The following RAE1 variants were observed in gnomAD, a reference collection of about 807,000 sequenced individuals.
RAE1 encodes ribonucleic acid export 1.
A neutral mutation model predicts 52.7 loss-of-function variants in RAE1; 13 were observed. The observed-to-expected ratio is 0.25, with a 90% CI of 0.16 to 0.39. The LOEUF (loss-of-function observed/expected upper bound fraction) is 0.39. RAE1 is among the 10% of genes least tolerant of loss of function. RAE1 has a pLI of 1.00. For synonymous variants in RAE1, 164 were observed against 153.1 expected (o/e 1.07, Z -0.52); for missense variants, 262 against 459.8 (o/e 0.57, Z 3.93).
intron 7 of RAE1, among the ~76,000 whole-genome samples, chr20:57,367,928 T>C (rs1030741091): frequency 1.3e-5 from 2 of 152,110 alleles, no homozygotes; most frequent in African/African-American, 2.4e-5. Flanking sequence ...TCTTGCTCTG[T>C]CGCCAGGCTG....
At chr20:57,356,583 A>G (rs927630571) in intron 4 of RAE1, 45 bp downstream of exon 4, 12 of 1,458,530 alleles carry the variant, frequency 8.2e-6, no homozygotes, top group African/African-American at 1.4e-5. Context: ...CTTAAAGTAC[A>G]GAATGATTTA....
chr20:57,368,691 C>T lies in RAE1; in HGVS notation c.535-14C>T. ...TTCACCTGAAGCGCATCTCTGTTTT[C>T]TTCCATTCCCTAGATATACCCCATG... On this transcript the variant is annotated splice_polypyrimidine_tract_variant and intron_variant, in intron 7 of 11. Coordinates refer to ENST00000395841, the MANE Select transcript of RAE1 (RefSeq NM_003610.4). The T allele has an allele frequency of 1.3e-6, 2 of 1,583,470 alleles. No homozygotes were observed. The highest frequency in any genetic ancestry group is 1.1e-5 in the South Asian group (1 of 90,062).
At chr20:57,353,970 A>G in intron 1 of RAE1, 62 bp from the exon 2 acceptor site, 1 of 1,402,382 alleles carries the variant, frequency 7.1e-7, no homozygotes, top group South Asian at 1.2e-5. Flanking sequence ...TAATTATCTT[A>G]CCATTGCCTC....
intron 1 of RAE1, among the ~76,000 whole-genome samples, chr20:57,353,063 G>A (rs1329997558): frequency 1.3e-5 from 2 of 152,194 alleles, no homozygotes. Context: ...TCCGTTCTGT[G>A]TTGTCTTGTT....
At chr20:57,356,361 G>T in intron 3 of RAE1, 85 bp from the exon 4 acceptor site, 6 of 1,011,310 alleles carry the variant, frequency 5.9e-6, no homozygotes, top group Non-Finnish European at 9.1e-6. Context: ...GTATGGTTAA[G>T]GTGTACCCCA....
At position 57,374,929 on chromosome 20, in the gene RAE1, C is replaced by T. The variant is rs779026231; in HGVS notation, c.1020+128C>T. ...GTGTCCTTGGGCAGGTCACCGTCCC[C>T]TCCCTGTAAGGGGAAATTGCAGGAC... is the stretch of plus-strand genomic sequence containing the variant. On this transcript the variant is annotated intron_variant, in intron 11 of 11. Coordinates refer to ENST00000395841, the MANE Select transcript of RAE1 (RefSeq NM_003610.4). The T allele has an allele frequency of 9.6e-6, 10 of 1,041,910 alleles. No homozygotes were observed. The Admixed American group carries it at 1.5e-4, about 16-fold the overall frequency. 64.5% of individuals were successfully genotyped at this position (1,041,910 alleles called of 1,614,324 possible).
At chr20:57,362,243 T>G (rs1456583116) in intron 4 of RAE1, among the ~76,000 whole-genome samples, 1 of 152,210 alleles carries the variant, frequency 6.6e-6, no homozygotes, top group African/African-American at 2.4e-5. Flanking sequence ...TTGACATAGT[T>G]TAGGGGCCAC....
intron 4 of RAE1, among the ~76,000 whole-genome samples, chr20:57,360,142 G>C (rs1461431280): frequency 6.6e-6 from 1 of 152,096 alleles, no homozygotes; most frequent in Non-Finnish European, 1.5e-5. Flanking sequence ...ATCAGTAATA[G>C]TGATTTCTAG....
chr20:57,366,631 G>T (rs559049617), intron 5 of RAE1, among the ~76,000 whole-genome samples, 176 bp from the exon 6 acceptor site: 5 of 151,816 alleles, frequency 3.3e-5, no homozygotes, highest in African/African-American at 1.2e-4. Flanking sequence ...ATTTGGTGGG[G>T]ACATGCAAAC....
At position 57,354,086 on chromosome 20, in the gene RAE1, C is replaced by G; in HGVS notation, c.48C>G (p.Ser16Arg). ...CAGGTTTTGGAACCAGTGGGACCAG[C>G]ATGTTTGGCAGTGCAACTACAGACA... ...TTSGFGTSGT[S>R]MFGSATTDNH... The change falls in exon 2 of 12, where the codon AGC becomes AGG. Residue 16 changes from serine (S) to arginine (R), a missense_variant. Coordinates refer to ENST00000395841, the MANE Select transcript of RAE1 (RefSeq NM_003610.4). The G allele has an allele frequency of 6.2e-7, 1 of 1,614,110 alleles. No homozygotes were observed. The highest frequency in any genetic ancestry group is 8.5e-7 in the Non-Finnish European group (1 of 1,179,974).
chr20:57,374,730 C>T lies in RAE1; in HGVS notation c.949C>T (p.Pro317Ser), dbSNP rs774141578. ...AAAAACTTCGGAACAGTTAGATCAG[C>T]CCATCTCAGCTTGCTGTTTCAATCA... ...KLKTSEQLDQPISACCFNHNG... is the reference protein window; with the variant it reads ...KLKTSEQLDQSISACCFNHNG... The change falls in exon 11 of 12, where the codon CCC (proline) becomes TCC (serine). Residue 317 changes from proline to serine, a missense_variant. Physicochemically the swap from Pro to Ser is moderately conservative, Grantham distance 74. Transcript: ENST00000395841. 9 of 1,614,194 alleles carry T rather than the reference C, an allele frequency of 5.6e-6. No homozygotes were observed. The South Asian group carries it at 6.6e-5, about 12-fold the overall frequency.
At chr20:57,375,609 T>C (rs2067102731) in intron 11 of RAE1, among the ~76,000 whole-genome samples, 1 of 152,152 alleles carries the variant, frequency 6.6e-6, no homozygotes, top group Non-Finnish European at 1.5e-5. Context: ...TGTCTAAGCA[T>C]GGAAGGCTCG....
At chr20:57,358,769 C>G (rs1199310640) in intron 4 of RAE1, 1 of 395,238 alleles carries the variant, frequency 2.5e-6, no homozygotes, top group Non-Finnish European at 4.5e-6. Flanking sequence ...CTCCGTTTAT[C>G]AAATTATTGG....
In RAE1 at chr20:57,356,436, GT is replaced by G; in HGVS notation, c.196-8del. On this transcript the variant is annotated splice_polypyrimidine_tract_variant and intron_variant, in intron 3 of 11. Coordinates refer to ENST00000395841, the MANE Select transcript of RAE1 (RefSeq NM_003610.4). ...TGCTTTGTTTGCATTGAATTTTTTT[GT>G]TACTACAGGTTCGCTGCTGGGAAGT... is the stretch of plus-strand genomic sequence containing the variant. 6.2e-7 allele frequency: 1 copy of G among 1,604,958 alleles called. No homozygotes were observed. Among genetic ancestry groups the G allele is most frequent in the Non-Finnish European group, 8.5e-7 (1 of 1,173,820 alleles).
chr20:57,371,042 C>G (rs1298576434), intron 8 of RAE1: 2 of 152,258 alleles, frequency 1.3e-5, no homozygotes, highest in African/African-American at 4.8e-5. Flanking sequence ...GTCTCCTCCC[C>G]TCTACCCTGA....
In RAE1 at chr20:57,374,591, A is replaced by G. The variant is rs2067084077; in HGVS notation, c.826-16A>G. 6.2e-7 allele frequency: 1 copy of G among 1,602,824 alleles called. No individual in the cohort carries two copies. The highest frequency in any genetic ancestry group is 1.3e-5 in the African/African-American group (1 of 74,788). ...CCCTCTGCCTGGCTTCTCATTGTGC[A>G]TGTCAATCCTTGCAGGTAAATGGAA... is the stretch of plus-strand genomic sequence containing the variant. On this transcript the variant is annotated splice_polypyrimidine_tract_variant and intron_variant, in intron 10 of 11. Transcript: ENST00000395841.
At chr20:57,370,220 G>A (rs931495532) in intron 8 of RAE1, among the ~76,000 whole-genome samples, 5 of 152,120 alleles carry the variant, frequency 3.3e-5, no homozygotes, top group Admixed American at 6.5e-5. Context: ...GCCCCCCATT[G>A]TTCCACCAGA....
At chr20:57,354,164 G>C in intron 2 of RAE1, 36 bp downstream of exon 2, 1 of 1,580,342 alleles carries the variant, frequency 6.3e-7, no homozygotes. Flanking sequence ...TGTAGGAAGA[G>C]TTTGGGCAGA....
At chr20:57,373,795 G>A in intron 10 of RAE1, 57 bp downstream of exon 10, 1 of 1,538,982 alleles carries the variant, frequency 6.5e-7, no homozygotes. Flanking sequence ...ACTTGGAGGT[G>A]GCTGAGGAAT....
Sources: gnomAD v4.1 joint callset for allele counts (sites outside exome capture counted in the v4.1 genomes callset) on GRCh38, gnomAD v4.1.1 for gene constraint, MANE v1.5 for transcripts, NCBI Gene and HGNC (gene_info 2026-07-23, HGNC 2026-07-21) for gene names.